Variants in SSBP2 observed in about 807,000 individuals in gnomAD.
SSBP2 encodes the protein single-stranded DNA-binding protein 2.
In SSBP2, 17 loss-of-function variants were observed where a neutral mutation model predicts 61.8. That is an observed-to-expected ratio of 0.28 (90% CI 0.19 to 0.41). SSBP2 has a LOEUF of 0.41. SSBP2 is among the 10% of genes least tolerant of loss of function. SSBP2 has a pLI of 1.00. For missense variants in SSBP2, 310 were observed against 458.7 expected (o/e 0.68, Z 2.96); for synonymous variants, 139 against 141.3 (o/e 0.98, Z 0.12).
chr5:81,680,320 G>T (rs979485796), intron 1 of SSBP2, among the ~76,000 whole-genome samples: 3 of 147,674 alleles, frequency 2.0e-5, no homozygotes, highest in African/African-American at 7.4e-5. Context: ...ATATAATTAT[G>T]TTATAATATA....
intron 4 of SSBP2, among the ~76,000 whole-genome samples, chr5:81,554,775 TCAA>T (rs1289247044): frequency 1.3e-5 from 2 of 152,154 alleles, no homozygotes; most frequent in Admixed American, 6.5e-5. Context: ...AAGATAGCTC[TCAA>T]CAACTGATTT....
At chr5:81,722,665 C>T (rs1308057323) in intron 1 of SSBP2, among the ~76,000 whole-genome samples, 3 of 151,962 alleles carry the variant, frequency 2.0e-5, no homozygotes, top group Non-Finnish European at 4.4e-5. Context: ...CCTTTGTTTC[C>T]TCATCATATG....
At chr5:81,510,376 G>A (rs981721579) in intron 5 of SSBP2, among the ~76,000 whole-genome samples, 6 of 152,186 alleles carry the variant, frequency 3.9e-5, no homozygotes, top group Middle Eastern at 3.4e-3. Flanking sequence ...CCCTTATTTT[G>A]CAATATCCTG....
intron 1 of SSBP2, among the ~76,000 whole-genome samples, chr5:81,696,666 C>G (rs1753621770): frequency 6.6e-6 from 1 of 152,196 alleles, no homozygotes; most frequent in East Asian, 1.9e-4. Context: ...AATATTTTCT[C>G]TGCCGGGACT....
At chr5:81,467,970 C>G (rs192942219) in intron 8 of SSBP2, among the ~76,000 whole-genome samples, 18 of 152,078 alleles carry the variant, frequency 1.2e-4, no homozygotes, top group Admixed American at 6.6e-5. Flanking sequence ...TGTTAGGAAT[C>G]TCAAATCTTT....
At chr5:81,565,203 C>T (rs190063880) in intron 4 of SSBP2, among the ~76,000 whole-genome samples, 2 of 152,136 alleles carry the variant, frequency 1.3e-5, no homozygotes, top group East Asian at 3.9e-4. Flanking sequence ...CTCAAACAGT[C>T]CAATAATGGA....
intron 4 of SSBP2, among the ~76,000 whole-genome samples, chr5:81,582,654 T>C (rs2972247): frequency 1 from 151,529 of 152,272 alleles, 75,396 homozygotes; most frequent in Middle Eastern, 1. Context: ...AGTGCAGTGG[T>C]GCAATCTTGG....
rs138089369 is a variant in SSBP2, at chr5:81,525,780, T to C, written c.283-12063A>G. Among the ~76,000 whole-genome samples, 755 of 152,170 alleles carry C rather than the reference T, an allele frequency of 5.0e-3. 3 individuals carry two copies. The highest frequency in any genetic ancestry group is 8.2e-3 in the Non-Finnish European group (557 of 67,976). On this transcript the variant is annotated intron_variant, in intron 4 of 16. Transcript: ENST00000320672. ...TATAAGCTCTCCAAGGCAGATCTAC[T>C]TCCTGCCAATGGTCTGCTGTGGGAC...
intron 1 of SSBP2, among the ~76,000 whole-genome samples, chr5:81,671,260 T>C (rs1450313803): frequency 6.6e-6 from 1 of 152,122 alleles, no homozygotes; most frequent in Non-Finnish European, 1.5e-5. Context: ...AGGCTCCAAA[T>C]AAAATAATCA....
chr5:81,616,069 G>C (rs1745985563), intron 3 of SSBP2: 1 of 153,166 alleles, frequency 6.5e-6, no homozygotes, highest in Non-Finnish European at 1.5e-5. Flanking sequence ...AAATAGTTTA[G>C]TAACTTTGAA....
chr5:81,694,811 C>T (rs1753478751), intron 1 of SSBP2, among the ~76,000 whole-genome samples: 1 of 151,582 alleles, frequency 6.6e-6, no homozygotes, highest in African/African-American at 2.4e-5. Flanking sequence ...TCTACCTCTA[C>T]AAAAAAAAAT....
rs191794951 is a variant in SSBP2 at position 81,705,388 on chromosome 5, A to T, written c.62+45593T>A. Among the ~76,000 whole-genome samples, 4 of 152,314 alleles carry T rather than the reference A, an allele frequency of 2.6e-5. No individual in the cohort carries two copies. In the East Asian group the frequency reaches 7.7e-4, roughly 29 times the overall value. Reference sequence around the variant, plus strand: ...AAAAGTGATAAGTAGCAAACCAAGGAAATGTTATATACTTTACAAAAGTGC... The same window carrying T: ...AAAAGTGATAAGTAGCAAACCAAGGTAATGTTATATACTTTACAAAAGTGC... On this transcript the variant is annotated intron_variant, in intron 1 of 16. Coordinates refer to ENST00000320672, the MANE Select transcript of SSBP2 (RefSeq NM_012446.5).
intron 5 of SSBP2, among the ~76,000 whole-genome samples, chr5:81,498,311 T>C (rs900622080): frequency 3.9e-5 from 6 of 152,072 alleles, no homozygotes; most frequent in East Asian, 1.9e-4. Context: ...TGGAAAAATA[T>C]GGGTTATCTT....
Position 81,473,617 on chromosome 5 carries a change from A to C in SSBP2, c.570+83T>G. 3.3e-6 allele frequency: 4 copies of C among 1,208,790 alleles called. No individual in the cohort carries two copies. The South Asian group carries it at 3.7e-5, about 11-fold the overall frequency. 74.9% of individuals were successfully genotyped at this position (1,208,790 alleles called of 1,614,324 possible). On this transcript the variant is annotated intron_variant, in intron 8 of 16. Transcript: ENST00000320672. ...GTATTCCATGGTATACATGTACCAC[A>C]TTCTCTTTACCCAGTCTATCATTGA...
chr5:81,674,579 T>C (rs752347411), intron 1 of SSBP2, among the ~76,000 whole-genome samples: 11 of 152,188 alleles, frequency 7.2e-5, no homozygotes, highest in Non-Finnish European at 1.5e-4. Flanking sequence ...TCTAAAATAT[T>C]ATGCAATTTC....
At chr5:81,694,890 A>G (rs1445772504) in intron 1 of SSBP2, among the ~76,000 whole-genome samples, 1 of 152,202 alleles carries the variant, frequency 6.6e-6, no homozygotes, top group African/African-American at 2.4e-5. Flanking sequence ...TTGTACTTCT[A>G]GCTACTCAGG....
chr5:81,568,678 A>G (rs943752579), intron 4 of SSBP2, among the ~76,000 whole-genome samples: 1 of 152,188 alleles, frequency 6.6e-6, no homozygotes, highest in African/African-American at 2.4e-5. Context: ...AAAAGAACAT[A>G]AAGTTTTTAC....
At chr5:81,624,126 C>T (rs909967700) in intron 3 of SSBP2, among the ~76,000 whole-genome samples, 6 of 152,112 alleles carry the variant, frequency 3.9e-5, no homozygotes, top group Non-Finnish European at 8.8e-5. Flanking sequence ...AAGCCCTACT[C>T]ATCAGGAGAG....
intron 5 of SSBP2, among the ~76,000 whole-genome samples, chr5:81,497,565 T>C (rs540394750): frequency 1.3e-5 from 2 of 152,284 alleles, no homozygotes; most frequent in Admixed American, 6.5e-5. Context: ...GTATAACATA[T>C]CTGGTTGTCT....
Sources: allele counts gnomAD v4.1 joint callset (sites outside exome capture counted in the v4.1 genomes callset), GRCh38; gene constraint gnomAD v4.1.1; transcripts MANE v1.5; gene names NCBI Gene and HGNC (gene_info 2026-07-23, HGNC 2026-07-21).